The following LTA4H variants were observed in gnomAD, a reference collection of about 807,000 sequenced individuals.
LTA4H encodes leukotriene A-4 hydrolase.
LTA4H carries 59 observed loss-of-function variants against 89.8 expected under a neutral mutation model. The ratio of observed to expected loss-of-function variants is 0.66; its 90% confidence interval spans 0.53 to 0.82. The LOEUF (loss-of-function observed/expected upper bound fraction) is 0.82. Among genes scored for constraint, LTA4H ranks in the 40% least tolerant of loss-of-function variants. The pLI is 0.00. For synonymous variants in LTA4H, 227 were observed against 253.1 expected, an observed-to-expected ratio of 0.90 and a Z score of 0.98; for missense variants, 617 against 727.0, an observed-to-expected ratio of 0.85 and a Z score of 1.74.
intron 5 of LTA4H, among the ~76,000 whole-genome samples, chr12:96,021,880 G>C (rs75286808): frequency 0.027 from 4,121 of 152,194 alleles, 177 homozygotes; most frequent in African/African-American, 0.089. Flanking sequence ...AGAACAGGAA[G>C]CCAGCCCCTG....
upstream of LTA4H, among the ~76,000 whole-genome samples, chr12:96,040,117 A>G (rs998334086): frequency 2.0e-5 from 3 of 152,244 alleles, no homozygotes; most frequent in Non-Finnish European, 4.4e-5. Flanking sequence ...GAATATTAAT[A>G]GGAAAAATGG....
chr12:96,014,725 A>G, intron 12 of LTA4H, 130 bp downstream of exon 12: 6 of 843,240 alleles, frequency 7.1e-6, no homozygotes, highest in Non-Finnish European at 1.1e-5. Context: ...AACAATACAG[A>G]TTTCTTCAGC....
At chr12:96,035,963 G>C (rs1950638185), upstream of LTA4H, among the ~76,000 whole-genome samples, 1 of 152,164 alleles carries the variant, frequency 6.6e-6, no homozygotes, top group African/African-American at 2.4e-5. Context: ...CATATAGCGA[G>C]GGCGGGGCGG....
chr12:96,013,717 G>T, intron 13 of LTA4H, 33 bp downstream of exon 13: 3 of 1,072,216 alleles, frequency 2.8e-6, no homozygotes, highest in Non-Finnish European at 4.3e-6. Flanking sequence ...GATATATCGA[G>T]CATGAAAAAT....
rs923121314 is a variant in LTA4H, at chr12:96,035,578, G to T, written c.-59C>A. ...AGCCCAACGCTCAGCTACCAGACTC[G>T]TCGATAGAGAACCTGAGGAGGAGGG... On this transcript the variant is annotated 5_prime_UTR_variant, in exon 1 of 19. Transcript: ENST00000228740. 21 of 1,528,226 alleles carry T rather than the reference G, an allele frequency of 1.4e-5. No homozygotes were observed. The highest frequency in any genetic ancestry group is 1.6e-5 in the Non-Finnish European group (18 of 1,128,204). The allele number at this position is 1,528,226 out of a possible 1,614,324, so 94.7% of individuals were successfully genotyped here.
At chr12:96,020,474 G>T (rs753228577) in intron 6 of LTA4H, among the ~76,000 whole-genome samples, 5 of 152,176 alleles carry the variant, frequency 3.3e-5, no homozygotes, top group Non-Finnish European at 5.9e-5. Flanking sequence ...CCAAGGACTG[G>T]GCGGTGGGGG....
upstream of LTA4H, among the ~76,000 whole-genome samples, chr12:96,040,005 T>C (rs1950676628): frequency 6.6e-6 from 1 of 152,172 alleles, no homozygotes; most frequent in Non-Finnish European, 1.5e-5. Flanking sequence ...CTAGAAAAAC[T>C]ATACATGAAA....
In LTA4H at chr12:96,011,779, C is replaced by G. The variant is rs553072947; in HGVS notation, c.1379+1409G>C. ...ACAGCCAATCAGTTGCCAATAGATT[C>G]TAGCCCCCAAACGTCTCTTCTCTCA... is the stretch of plus-strand genomic sequence containing the variant. On this transcript the variant is annotated intron_variant, in intron 14 of 18. Coordinates refer to ENST00000228740, the MANE Select transcript of LTA4H (RefSeq NM_000895.3). The G allele has an allele frequency of 3.3e-5, 5 of 152,266 alleles. No homozygotes were observed. The South Asian group carries it at 1.0e-3, about 32-fold the overall frequency. 9.4% of individuals were successfully genotyped at this position (152,266 alleles called of 1,614,324 possible).
upstream of LTA4H, chr12:96,035,681 G>T (rs1432990123): frequency 7.0e-7 from 1 of 1,423,146 alleles, no homozygotes; most frequent in African/African-American, 1.4e-5. Context: ...CGAGCGTTGG[G>T]GGATGGGTGA....
rs374356663 is a variant in LTA4H at position 96,000,937 on chromosome 12, A to C, written c.*52T>G. 1.5e-5 allele frequency: 19 copies of C among 1,239,098 alleles called. No homozygotes were observed. Among genetic ancestry groups the C allele is most frequent in the African/African-American group, 3.0e-5 (2 of 67,196 alleles). 76.8% of individuals were successfully genotyped at this position (1,239,098 alleles called of 1,614,324 possible). A position where few individuals can be genotyped will look rare whatever the true frequency, so the allele number is the denominator to read the frequency against. On this transcript the variant is annotated 3_prime_UTR_variant, in exon 19 of 19. Coordinates refer to ENST00000228740, the MANE Select transcript of LTA4H (RefSeq NM_000895.3). The stretch of plus-strand genomic sequence containing the variant: ...GTGAGCTGAAGTTTTATATTTCTTT[A>C]CGAATTCCATTTAAAAAAGAGAAAT...
intron 1 of LTA4H, among the ~76,000 whole-genome samples, chr12:96,034,138 C>T (rs942447319): frequency 6.6e-6 from 1 of 152,102 alleles, no homozygotes; most frequent in Admixed American, 6.5e-5. Flanking sequence ...GGCCTGAAAG[C>T]CACCAATTCT....
chr12:96,035,776 C>G (rs934037066), upstream of LTA4H: 2 of 687,990 alleles, frequency 2.9e-6, no homozygotes, highest in East Asian at 4.1e-5. Flanking sequence ...TGAGGGGGAC[C>G]AAGCGTGCTC....
intron 18 of LTA4H, among the ~76,000 whole-genome samples, chr12:96,002,313 A>G (rs915485605): frequency 6.6e-6 from 1 of 152,196 alleles, no homozygotes; most frequent in African/African-American, 2.4e-5. Context: ...AAGTTTTATG[A>G]TATTATATGG....
At chr12:96,016,203 A>C (rs1183784792) in intron 10 of LTA4H, among the ~76,000 whole-genome samples, 3 of 150,194 alleles carry the variant, frequency 2.0e-5, no homozygotes, top group Non-Finnish European at 3.0e-5. Context: ...AGTCCCAGAT[A>C]CTCGGGAGGC....
intron 16 of LTA4H, among the ~76,000 whole-genome samples, chr12:96,005,643 TCTC>T (rs1950185974): frequency 6.6e-6 from 1 of 152,182 alleles, no homozygotes; most frequent in Non-Finnish European, 1.5e-5. Flanking sequence ...GCAAAGCAAG[TCTC>T]CTCCAAAATT....
rs1053540844 is a variant in LTA4H at position 96,014,919 on chromosome 12, A to C, written c.1140T>G (p.Ser380=). 1.2e-6 allele frequency: 2 copies of C among 1,613,878 alleles called. No individual in the cohort carries two copies. Among genetic ancestry groups the C allele is most frequent in the Non-Finnish European group, 1.7e-6 (2 of 1,179,828 alleles). Residue 380 remains serine, a synonymous_variant, in exon 12 of 19, where the codon TCT becomes TCG. Coordinates refer to ENST00000228740, the MANE Select transcript of LTA4H (RefSeq NM_000895.3). ...CAAAGCCCTTCTCATAGGGAACTGA[A>C]GAATAAGCTACATCAGGGTCTATAT... The part of the protein sequence containing the change: ...LTDIDPDVAY[S]SVPYEKGFAL...
Position 96,029,062 on chromosome 12 carries a change from A to G in LTA4H, c.283T>C (p.Leu95=). Residue 95 remains leucine, a synonymous_variant, in exon 2 of 19, where the codon TTG becomes CTG. Coordinates refer to ENST00000228740, the MANE Select transcript of LTA4H (RefSeq NM_000895.3). Reference sequence around the variant, plus strand: ...AGATCATAACATTCATACTTGCTCAAAGCGATAGGAAGAGAGATTTCCATT... The same window carrying G: ...AGATCATAACATTCATACTTGCTCAGAGCGATAGGAAGAGAGATTTCCATT... ...SPMEISLPIA[L]SKNQEIVIEI... 1 of 1,582,380 alleles carries G rather than the reference A, an allele frequency of 6.3e-7. No homozygotes were observed. Among genetic ancestry groups the G allele is most frequent in the South Asian group, 1.2e-5 (1 of 83,520 alleles).
intron 2 of LTA4H, among the ~76,000 whole-genome samples, chr12:96,028,396 G>A (rs1403630592): frequency 6.6e-6 from 1 of 152,146 alleles, no homozygotes; most frequent in East Asian, 1.9e-4. Context: ...GAGAAGGCAT[G>A]AAAACACTGG....
intron 7 of LTA4H, 119 bp from the exon 8 acceptor site, chr12:96,019,022 T>A: frequency 9.9e-6 from 12 of 1,212,842 alleles, no homozygotes; most frequent in Non-Finnish European, 1.4e-5. Flanking sequence ...TAAATGAAAA[T>A]GATAAAAAGA....
Sources: allele counts gnomAD v4.1 joint callset (sites outside exome capture counted in the v4.1 genomes callset), GRCh38; gene constraint gnomAD v4.1.1; transcripts MANE v1.5; gene names NCBI Gene and HGNC (gene_info 2026-07-23, HGNC 2026-07-21).